DAPK2: variants seen among roughly 807,000 people sequenced by gnomAD.
DAPK2 encodes the protein death associated protein kinase 2.
Under a neutral mutation model 44.1 loss-of-function variants are expected in DAPK2, and 35 were observed. The ratio of observed to expected loss-of-function variants is 0.79; its 90% CI spans 0.61 to 1.05. The LOEUF is 1.05. Among genes scored for constraint, DAPK2 ranks in the 50% least tolerant of loss-of-function variants. DAPK2 has a pLI of 0.00. For synonymous variants in DAPK2, 174 were observed against 182.6 expected, an observed-to-expected ratio of 0.95 and a Z score of 0.38; for missense variants, 453 against 483.2, an observed-to-expected ratio of 0.94 and a Z score of 0.59.
At chr15:63,950,820 C>T (rs1689368248) in intron 3 of DAPK2, among the ~76,000 whole-genome samples, 1 of 152,156 alleles carries the variant, frequency 6.6e-6, no homozygotes, top group Non-Finnish European at 1.5e-5. Flanking sequence ...GTGACAAGAT[C>T]CTGTACTTCA....
At position 63,916,272 on chromosome 15, in the gene DAPK2, A is replaced by G; in HGVS notation, c.859-4075T>C. ...AGCAGCCGCTGCTAAGGCATGAAAA[A>G]GGAATCCTGGCTTTACTGAAGAGGC... On this transcript the variant is annotated intron_variant, in intron 8 of 10. Transcript: ENST00000261891. This position sits in a 1 kb window ranked among gnomAD's most constrained non-coding sequence, Gnocchi z 4.7. The G allele has an allele frequency of 6.5e-6, 1 of 152,752 alleles. No individual in the cohort carries two copies. Among genetic ancestry groups the G allele is most frequent in the Non-Finnish European group, 1.5e-5 (1 of 68,406 alleles). The allele number at this position is 152,752 out of a possible 1,614,324, so 9.5% of individuals were successfully genotyped here. A position where few individuals can be genotyped will look rare whatever the true frequency, so the allele number is the denominator to read the frequency against.
intron 1 of DAPK2, among the ~76,000 whole-genome samples, chr15:64,012,725 A>T (rs189406314): frequency 2.0e-5 from 3 of 152,354 alleles, no homozygotes; most frequent in Admixed American, 2.0e-4. Context: ...ATATGCATTG[A>T]CAATTTCTGG....
chr15:63,922,981 C>T, intron 8 of DAPK2: 1 of 1,535,890 alleles, frequency 6.5e-7, no homozygotes, highest in East Asian at 2.4e-5. Flanking sequence ...ATCCCGTGGC[C>T]TGGATGTCTT....
intron 1 of DAPK2, among the ~76,000 whole-genome samples, chr15:64,002,965 T>TG (rs2079130213): frequency 2.0e-5 from 1 of 51,102 alleles, no homozygotes; most frequent in Admixed American, 2.1e-4. Context: ...TGTGTGTGTG[T>TG]CGTGGGACCT....
intron 1 of DAPK2, among the ~76,000 whole-genome samples, chr15:64,036,772 A>G (rs2080223731): frequency 6.6e-6 from 1 of 152,114 alleles, no homozygotes; most frequent in Admixed American, 6.5e-5. Flanking sequence ...ACAGCCAAGT[A>G]AAGAGGTTTA....
At chr15:63,938,220 G>C (rs956354551) in intron 4 of DAPK2, among the ~76,000 whole-genome samples, 1 of 152,198 alleles carries the variant, frequency 6.6e-6, no homozygotes, top group African/African-American at 2.4e-5. Flanking sequence ...AGGCTTTGCT[G>C]TTGGCTGTAT....
chr15:64,027,761 G>A (rs949162773), intron 1 of DAPK2, among the ~76,000 whole-genome samples: 2 of 152,118 alleles, frequency 1.3e-5, no homozygotes, highest in Non-Finnish European at 2.9e-5. Context: ...AAGAGTATTG[G>A]CAAAGCCACA....
intron 3 of DAPK2, among the ~76,000 whole-genome samples, chr15:63,944,625 C>A (rs946134741): frequency 6.6e-6 from 1 of 152,180 alleles, no homozygotes; most frequent in Non-Finnish European, 1.5e-5. Flanking sequence ...GATAAGAAAA[C>A]GGGGCTCACA....
At chr15:63,953,354 T>G (rs182079690) in intron 3 of DAPK2, among the ~76,000 whole-genome samples, 2 of 152,216 alleles carry the variant, frequency 1.3e-5, no homozygotes, top group Non-Finnish European at 2.9e-5. Flanking sequence ...TTAGCATGCA[T>G]AAATGAGAAC....
At chr15:64,000,482 G>A (rs2079057153) in intron 1 of DAPK2, among the ~76,000 whole-genome samples, 1 of 152,174 alleles carries the variant, frequency 6.6e-6, no homozygotes, top group Non-Finnish European at 1.5e-5. Context: ...TGGGAGGAGA[G>A]AACTAGGGAG....
intron 1 of DAPK2, among the ~76,000 whole-genome samples, chr15:64,007,860 T>C (rs1323909464): frequency 6.6e-6 from 1 of 152,132 alleles, no homozygotes; most frequent in Non-Finnish European, 1.5e-5. Context: ...AAAGTACTGA[T>C]CCATGCTATA....
In DAPK2 at chr15:64,022,202, A is replaced by G. The variant is rs114157985; in HGVS notation, c.92+17968T>C. On this transcript the variant is annotated intron_variant, in intron 1 of 10. Transcript: ENST00000261891. ...AGGGAGCTAATCTTGGCAATGCTAC[A>G]GGTAGTGGCTACTGGGTGATCTCAC... is the stretch of plus-strand genomic sequence containing the variant. 2.9e-3 allele frequency among the ~76,000 whole-genome samples: 442 copies of G among 152,368 alleles called. 3 individuals carry two copies. The highest frequency in any genetic ancestry group is 9.3e-3 in the African/African-American group (385 of 41,592).
At chr15:63,925,865 A>G in intron 7 of DAPK2, 76 bp downstream of exon 8, 1 of 1,582,606 alleles carries the variant, frequency 6.3e-7, no homozygotes, top group Non-Finnish European at 8.7e-7. Context: ...AAGTGGGGAC[A>G]TACTGACAGG....
chr15:63,945,522 G>A (rs923442756), intron 3 of DAPK2, among the ~76,000 whole-genome samples: 2 of 152,160 alleles, frequency 1.3e-5, no homozygotes, highest in African/African-American at 2.4e-5. Context: ...CGGCACTAAG[G>A]GAGGGTCCAA....
intron 3 of DAPK2, among the ~76,000 whole-genome samples, chr15:63,957,055 G>A (rs1196096077): frequency 6.6e-6 from 1 of 152,202 alleles, no homozygotes; most frequent in East Asian, 1.9e-4. Flanking sequence ...TTTCTTTGTT[G>A]ATTTTCTGTC....
At chr15:64,037,121 C>A (rs1357390651) in intron 1 of DAPK2, among the ~76,000 whole-genome samples, 1 of 152,056 alleles carries the variant, frequency 6.6e-6, no homozygotes, top group African/African-American at 2.4e-5. Context: ...CAAACCCCAA[C>A]CCATGTGACC....
chr15:64,027,317 G>C (rs1367922496), intron 1 of DAPK2, among the ~76,000 whole-genome samples: 1 of 152,148 alleles, frequency 6.6e-6, no homozygotes, highest in Non-Finnish European at 1.5e-5. Context: ...CTGGGAGGTG[G>C]AGGTTGCAGT....
At chr15:63,931,552 G>C (rs540586279) in intron 4 of DAPK2, among the ~76,000 whole-genome samples, 4 of 152,144 alleles carry the variant, frequency 2.6e-5, no homozygotes, top group Non-Finnish European at 5.9e-5. Flanking sequence ...TCTGAAAGAG[G>C]GTACCTCCCA....
intron 1 of DAPK2, among the ~76,000 whole-genome samples, chr15:64,010,253 G>A (rs1445302170): frequency 3.3e-5 from 5 of 152,126 alleles, no homozygotes; most frequent in East Asian, 3.8e-4. Flanking sequence ...TGAGAACCAC[G>A]AGTTCTCACG....
Sources: gnomAD v4.1 joint callset for allele counts (sites outside exome capture counted in the v4.1 genomes callset) on GRCh38, gnomAD v4.1.1 for gene constraint, Gnocchi (gnomAD v3.1) non-coding constraint, MANE v1.5 for transcripts, NCBI Gene and HGNC (gene_info 2026-07-23, HGNC 2026-07-21) for gene names.